The following IQGAP1 variants were observed in gnomAD, a reference collection of about 807,000 sequenced individuals.
IQGAP1 encodes ras GTPase-activating-like protein IQGAP1.
Under a neutral mutation model 215.6 loss-of-function variants are expected in IQGAP1, and 66 were observed. The ratio of observed to expected loss-of-function variants is 0.31; its 90% CI spans 0.25 to 0.38. IQGAP1 has a LOEUF of 0.38. Among genes scored for constraint, IQGAP1 ranks in the 10% least tolerant of loss-of-function variants. The pLI is 1.00. For missense variants in IQGAP1, 1,712 were observed against 1,997.1 expected, an observed-to-expected ratio of 0.86 and a Z score of 2.72; for synonymous variants, 772 against 728.7, an observed-to-expected ratio of 1.06 and a Z score of -0.96.
intron 4 of IQGAP1, among the ~76,000 whole-genome samples, chr15:90,432,719 C>T (rs1309537932): frequency 1.3e-5 from 2 of 152,174 alleles, no homozygotes; most frequent in Admixed American, 6.6e-5. Context: ...TGCTCTCTAT[C>T]ATGATTCACT....
Position 90,482,041 on chromosome 15 carries a change from C to T in IQGAP1, c.3411C>T (p.Asn1137=). 6.2e-7 allele frequency: 1 copy of T among 1,614,210 alleles called. No individual in the cohort carries two copies. Among genetic ancestry groups the T allele is most frequent in the Non-Finnish European group, 8.5e-7 (1 of 1,180,032 alleles). The part of the protein sequence containing the change: ...VKTRLDSSIR[N]MRAVTDKFLS... ...CACGGCTAGACAGCTCCATCAGGAA[C>T]ATGCGGGCTGTGACAGACAAGTTTC... The change falls in exon 27 of 38, where the codon AAC becomes AAT. Residue 1137 remains asparagine, a synonymous_variant. Coordinates refer to ENST00000268182, the MANE Select transcript of IQGAP1 (RefSeq NM_003870.4).
chr15:90,444,435 C>T (rs901869420), intron 9 of IQGAP1, among the ~76,000 whole-genome samples: 1 of 151,960 alleles, frequency 6.6e-6, no homozygotes, highest in African/African-American at 2.4e-5. Context: ...TCATGCGCTG[C>T]CACACCCAGC....
At chr15:90,407,305 A>G (rs1437389119) in intron 2 of IQGAP1, among the ~76,000 whole-genome samples, 1 of 152,242 alleles carries the variant, frequency 6.6e-6, no homozygotes, top group Admixed American at 6.5e-5. Flanking sequence ...TGGAAACAAG[A>G]TTTAGAAGAA....
intron 23 of IQGAP1, chr15:90,475,655 AG>A (rs1965968986): frequency 6.8e-6 from 1 of 148,110 alleles, no homozygotes; most frequent in Admixed American, 6.8e-5. Flanking sequence ...CAGGAGGCTG[AG>A]GTGGAAGAAT....
At chr15:90,421,059 C>A (rs1965127809) in intron 2 of IQGAP1, among the ~76,000 whole-genome samples, 1 of 152,162 alleles carries the variant, frequency 6.6e-6, no homozygotes, top group African/African-American at 2.4e-5. Context: ...ATTGCTTGAA[C>A]CCGGAAGCCA....
chr15:90,398,187 C>T (rs1047822660), intron 2 of IQGAP1, among the ~76,000 whole-genome samples: 1 of 151,856 alleles, frequency 6.6e-6, no homozygotes, highest in Non-Finnish European at 1.5e-5. Context: ...TGCCCGGCCT[C>T]CTGAATTTTC....
chr15:90,491,052 G>A (rs904771823), intron 33 of IQGAP1, among the ~76,000 whole-genome samples: 3 of 152,112 alleles, frequency 2.0e-5, no homozygotes, highest in Non-Finnish European at 2.9e-5. Flanking sequence ...CTCATGATCC[G>A]CCTACCTTGG....
Position 90,474,529 on chromosome 15 carries a change from C to T in IQGAP1, c.2620C>T (p.His874Tyr). The change falls in exon 23 of 38, where the codon CAC (histidine) becomes TAC (tyrosine). Residue 874 changes from histidine to tyrosine, a missense_variant. Around this residue, in one of 2 missense-constraint regions of IQGAP1, gnomAD observed 1,021 missense variants for 1,074.2 expected, o/e 0.95. Transcript: ENST00000268182. Reference protein sequence around the residue: ...PPMVVVRKFVHLLDQSDQDFQ... With the variant: ...PPMVVVRKFVYLLDQSDQDFQ... ...TATGGTTGTGGTCCGAAAATTTGTC[C>T]ACCTGCTGGACCAAAGTGACCAGGA... 6.2e-7 allele frequency: 1 copy of T among 1,614,142 alleles called. No homozygotes were observed. The highest frequency in any genetic ancestry group is 8.5e-7 in the Non-Finnish European group (1 of 1,180,032).
chr15:90,388,560 C>A (rs991821194), intron 1 of IQGAP1, among the ~76,000 whole-genome samples, 164 bp downstream of exon 1: 6 of 151,976 alleles, frequency 3.9e-5, no homozygotes, highest in Non-Finnish European at 8.8e-5. Context: ...GCGGGGAGGC[C>A]CCTGGTTCGC....
At chr15:90,485,506 C>G (rs1459574066) in intron 30 of IQGAP1, among the ~76,000 whole-genome samples, 1 of 152,138 alleles carries the variant, frequency 6.6e-6, no homozygotes, top group Non-Finnish European at 1.5e-5. Flanking sequence ...ATGGCGCAAT[C>G]TTGGCTCACT....
chr15:90,489,214 C>T (rs193174103), intron 33 of IQGAP1, among the ~76,000 whole-genome samples: 18 of 151,694 alleles, frequency 1.2e-4, no homozygotes, highest in Admixed American at 2.0e-4. Context: ...CTGCAACCTC[C>T]GCCTCCTGGG....
chr15:90,468,290 C>A (rs1339161183), intron 18 of IQGAP1, among the ~76,000 whole-genome samples: 1 of 152,162 alleles, frequency 6.6e-6, no homozygotes, highest in African/African-American at 2.4e-5. Context: ...GTCTTGAACT[C>A]CTGGCCTCAA....
Position 90,497,338 on chromosome 15 carries a change from C to T in IQGAP1, c.4858C>T (p.Gln1620Ter), listed in dbSNP as rs755073388. 5 of 1,558,758 alleles carry T rather than the reference C, an allele frequency of 3.2e-6. No individual in the cohort carries two copies. The highest frequency in any genetic ancestry group is 4.4e-6 in the Non-Finnish European group (5 of 1,130,240). Residue 1620 changes from glutamine (Q) to a stop codon, truncating the protein, a stop_gained and splice_region_variant, in exon 37 of 38, where the codon CAG (glutamine) becomes TAG (stop). Transcript: ENST00000268182. LOFTEE classifies it high-confidence loss of function. ...VQMETFMLHYQDLLQLQYEGV... is the reference protein window; with the variant it reads ...VQMETFMLHY ...AATGGAGACTTTTATGTTACATTAT[C>T]AGGTGGGTATGCACCAGCAGGAACC...
chr15:90,417,262 T>A (rs1176575707), intron 2 of IQGAP1, among the ~76,000 whole-genome samples: 4 of 152,230 alleles, frequency 2.6e-5, no homozygotes, highest in African/African-American at 9.6e-5. Context: ...TTTTGGTGTT[T>A]CAGACATGAA....
chr15:90,411,583 TC>T (rs1964966551), intron 2 of IQGAP1, among the ~76,000 whole-genome samples: 1 of 152,234 alleles, frequency 6.6e-6, no homozygotes, highest in Non-Finnish European at 1.5e-5. Flanking sequence ...GTGCCTGTCT[TC>T]TACTTTGTAG....
At chr15:90,432,534 C>G (rs1428586600) in intron 4 of IQGAP1, among the ~76,000 whole-genome samples, 1 of 152,120 alleles carries the variant, frequency 6.6e-6, no homozygotes, top group East Asian at 1.9e-4. Flanking sequence ...TTTCAAGTTG[C>G]TTATAATAAT....
At chr15:90,428,673 C>T (rs552947635) in intron 3 of IQGAP1, among the ~76,000 whole-genome samples, 1 of 152,176 alleles carries the variant, frequency 6.6e-6, no homozygotes, top group South Asian at 2.1e-4. Flanking sequence ...GTCCCAGCTA[C>T]TCAGGAGGCA....
chr15:90,394,077 G>A (rs1964677295), intron 2 of IQGAP1, among the ~76,000 whole-genome samples: 1 of 149,096 alleles, frequency 6.7e-6, no homozygotes, highest in Non-Finnish European at 1.5e-5. Context: ...AGAGCTTGCG[G>A]TAAGCTGAGA....
chr15:90,491,706 C>T (rs568448777), intron 34 of IQGAP1, 161 bp downstream of exon 34: 12 of 624,680 alleles, frequency 1.9e-5, no homozygotes, highest in East Asian at 5.5e-5. Flanking sequence ...GGGCCTTGCC[C>T]GACCTGAGGT....
Sources: allele counts gnomAD v4.1 joint callset (sites outside exome capture counted in the v4.1 genomes callset), GRCh38; gene constraint gnomAD v4.1.1; regional missense constraint gnomAD v4.1.1; transcripts MANE v1.5; gene names NCBI Gene and HGNC (gene_info 2026-07-23, HGNC 2026-07-21).